RGS6: variants seen among roughly 807,000 people sequenced by gnomAD.
RGS6 encodes the protein regulator of G protein signaling 6.
Under a neutral mutation model 78.5 loss-of-function variants are expected in RGS6, and 30 were observed. The observed-to-expected ratio is 0.38, with a 90% CI of 0.29 to 0.52. RGS6 has a LOEUF of 0.52. Among genes scored for constraint, RGS6 ranks in the 20% least tolerant of loss-of-function variants. The pLI is 0.85. For missense variants in RGS6, 495 were observed against 609.7 expected, an observed-to-expected ratio of 0.81 and a Z score of 1.98; for synonymous variants, 206 against 206.0, an observed-to-expected ratio of 1.00 and a Z score of 0.00.
chr14:72,156,780 G>T (rs1248752419), intron 2 of RGS6, among the ~76,000 whole-genome samples: 1 of 152,194 alleles, frequency 6.6e-6, no homozygotes, highest in African/African-American at 2.4e-5. Context: ...AAAGGCAAAG[G>T]CTGCAGCCTG....
chr14:72,309,233 G>C (rs565799555), intron 2 of RGS6, among the ~76,000 whole-genome samples: 1 of 152,216 alleles, frequency 6.6e-6, no homozygotes, highest in Non-Finnish European at 1.5e-5. Context: ...AGGTCAGAGC[G>C]AGGCTGGTGT....
At chr14:72,014,938 G>T (rs984522011) in intron 2 of RGS6, among the ~76,000 whole-genome samples, 1 of 152,152 alleles carries the variant, frequency 6.6e-6, no homozygotes, top group Non-Finnish European at 1.5e-5. Flanking sequence ...GAAATGTTTA[G>T]AAATTTAAAG....
chr14:72,142,053 C>T (rs2096547522), intron 2 of RGS6, among the ~76,000 whole-genome samples: 1 of 152,078 alleles, frequency 6.6e-6, no homozygotes, highest in Non-Finnish European at 1.5e-5. Context: ...CAGCCAGGAC[C>T]TTCTGAGAGA....
In RGS6 at chr14:72,546,237, T is replaced by C. The variant is rs572971505; in HGVS notation, c.1422+6143T>C. ...CAACTCCTCTATGCTTCGCTTCTTA[T>C]CTTGACTCTGTGTGAAATTAGGAAA... On this transcript the variant is annotated intron_variant, in intron 17 of 17. Transcript: ENST00000553525. 8.5e-5 allele frequency among the ~76,000 whole-genome samples: 13 copies of C among 152,370 alleles called. No homozygotes were observed. The East Asian group carries it at 2.1e-3, about 25-fold the overall frequency.
At chr14:71,870,989 G>A in the RGS6 span, among the ~76,000 whole-genome samples, 1 of 152,206 alleles carries the variant, frequency 6.6e-6, no homozygotes. Flanking sequence ...CATTAGTGAG[G>A]TGGGAACATT....
intron 2 of RGS6, among the ~76,000 whole-genome samples, chr14:72,308,756 T>C (rs1045823792): frequency 6.6e-6 from 1 of 152,210 alleles, no homozygotes; most frequent in Non-Finnish European, 1.5e-5. Flanking sequence ...TATTTGGCAC[T>C]AGCCAAAAGG....
chr14:72,127,467 T>TA (rs780113397), intron 2 of RGS6, among the ~76,000 whole-genome samples: 17 of 152,220 alleles, frequency 1.1e-4, no homozygotes, highest in Admixed American at 5.9e-4. Flanking sequence ...AGATAATTCT[T>TA]AAGCTGGGTT....
chr14:72,624,936 T>G, the RGS6 span, among the ~76,000 whole-genome samples: 1 of 152,262 alleles, frequency 6.6e-6, no homozygotes, highest in Admixed American at 6.5e-5. Context: ...GTACGTCTTA[T>G]TACTTGTAAT....
intron 2 of RGS6, among the ~76,000 whole-genome samples, chr14:72,160,652 T>C (rs750684988): frequency 1.2e-4 from 18 of 152,190 alleles, no homozygotes; most frequent in South Asian, 4.1e-4. Context: ...ATATGGTTGT[T>C]GTCTTTACAA....
At chr14:72,342,963 G>T (rs1410254597) in intron 2 of RGS6, among the ~76,000 whole-genome samples, 2 of 152,172 alleles carry the variant, frequency 1.3e-5, no homozygotes, top group African/African-American at 2.4e-5. Context: ...ACAGAGAGCT[G>T]CAGAGTTTGG....
chr14:72,512,554 C>G (rs569917249), intron 14 of RGS6, among the ~76,000 whole-genome samples: 47 of 152,274 alleles, frequency 3.1e-4, no homozygotes, highest in African/African-American at 1.1e-3. Context: ...GTGCCAGAGC[C>G]TAAGCCACAC....
At chr14:72,017,699 T>C (rs1182702898) in intron 2 of RGS6, among the ~76,000 whole-genome samples, 2 of 152,218 alleles carry the variant, frequency 1.3e-5, no homozygotes, top group Non-Finnish European at 2.9e-5. Context: ...AAGGAGAGCT[T>C]GTGCCACCAA....
intron 2 of RGS6, 94 bp from the exon 3 acceptor site, chr14:72,352,001 C>A: frequency 1.2e-6 from 1 of 845,248 alleles, no homozygotes; most frequent in Non-Finnish European, 1.9e-6. Flanking sequence ...CTATTGTTGA[C>A]ATCCATGTTT....
At chr14:72,612,548 A>G in the RGS6 span, 1 of 511,234 alleles carries the variant, frequency 2.0e-6, no homozygotes, top group African/African-American at 2.0e-5. Flanking sequence ...CCTCCACCCC[A>G]CTCCTTAGCA....
rs2095580326 is a variant in RGS6 at position 72,454,575 on chromosome 14, C to T, written c.232C>T (p.Pro78Ser). 1 of 1,613,676 alleles carries T rather than the reference C, an allele frequency of 6.2e-7. No homozygotes were observed. The highest frequency in any genetic ancestry group is 8.5e-7 in the Non-Finnish European group (1 of 1,179,812). Reference protein sequence around the residue: ...WLMKNLSIEDPVEAIHLGSLI... With the variant: ...WLMKNLSIEDSVEAIHLGSLI... ...TATGAAGAACCTTTCCATTGAGGAC[C>T]CAGGTACTTGACCTTTGACCCCACC... Residue 78 changes from proline to serine, a missense_variant, in exon 4 of 18, where the codon CCA becomes TCA. Physicochemically the swap from Pro to Ser is moderately conservative, Grantham distance 74. Transcript: ENST00000553525.
At chr14:72,157,219 T>G (rs2096785341) in intron 2 of RGS6, among the ~76,000 whole-genome samples, 1 of 152,164 alleles carries the variant, frequency 6.6e-6, no homozygotes, top group Non-Finnish European at 1.5e-5. Context: ...AAGATGCAAT[T>G]TAAGTCCTGC....
At chr14:71,996,010 CCCGAGGCCTT>C (rs1345509760) in intron 2 of RGS6, among the ~76,000 whole-genome samples, 1 of 152,134 alleles carries the variant, frequency 6.6e-6, no homozygotes, top group African/African-American at 2.4e-5. Flanking sequence ...TGACTGGCCT[CCCGAGGCCTT>C]CCGAGTCACC....
At chr14:71,985,956 A>G (rs1216683702) in intron 2 of RGS6, among the ~76,000 whole-genome samples, 1 of 152,186 alleles carries the variant, frequency 6.6e-6, no homozygotes, top group East Asian at 1.9e-4. Context: ...GTTGCTTCTT[A>G]TATTTTAAAG....
chr14:71,941,388 G>A (rs2090525648), intron 1 of RGS6, among the ~76,000 whole-genome samples: 1 of 152,098 alleles, frequency 6.6e-6, no homozygotes, highest in African/African-American at 2.4e-5. Flanking sequence ...CAAAACCAAC[G>A]AAAGAACTCC....
Sources: gnomAD v4.1 joint callset for allele counts (sites outside exome capture counted in the v4.1 genomes callset) on GRCh38, gnomAD v4.1.1 for gene constraint, MANE v1.5 for transcripts, NCBI Gene and HGNC (gene_info 2026-07-23, HGNC 2026-07-21) for gene names.